The following DOCK6 variants were observed in gnomAD, a reference collection of about 807,000 sequenced individuals.
DOCK6 encodes dedicator of cytokinesis 6.
A neutral mutation model predicts 230.3 loss-of-function variants in DOCK6; 167 were observed. The observed-to-expected ratio is 0.73, with a 90% confidence interval of 0.64 to 0.82. DOCK6 has a LOEUF of 0.82. DOCK6 is among the 40% of genes least tolerant of loss of function. DOCK6 has a pLI of 0.00. For missense variants in DOCK6, 2,598 were observed against 2,825.8 expected, an observed-to-expected ratio of 0.92 and a Z score of 1.83; for synonymous variants, 1,148 against 1,185.0, an observed-to-expected ratio of 0.97 and a Z score of 0.64.
chr19:11,203,961 C>T, intron 41 of DOCK6, 120 bp downstream of exon 41: 1 of 1,369,316 alleles, frequency 7.3e-7, no homozygotes, highest in Non-Finnish European at 1.0e-6. Context: ...GTGGCCACAG[C>T]CCCAGCCCCA....
chr19:11,260,501 G>A (rs1446701532), intron 1 of DOCK6, among the ~76,000 whole-genome samples: 1 of 151,438 alleles, frequency 6.6e-6, no homozygotes. Flanking sequence ...GATCACTTGA[G>A]CCCGGGAGAT....
intron 28 of DOCK6, among the ~76,000 whole-genome samples, chr19:11,217,832 T>C (rs2147769344): frequency 6.6e-6 from 1 of 151,870 alleles, no homozygotes; most frequent in South Asian, 2.1e-4. Context: ...GCTCCTGGAA[T>C]TCACTTATTT....
chr19:11,209,582 AT>A (rs1276911863), intron 37 of DOCK6, among the ~76,000 whole-genome samples: 10 of 114,192 alleles, frequency 8.8e-5, no homozygotes, highest in South Asian at 3.0e-4. Context: ...TCACCTGTCC[AT>A]CCCTTCACTT....
chr19:11,252,109 G>A lies in DOCK6; in HGVS notation c.507+10C>T, dbSNP rs375264572. 2.1e-4 allele frequency: 334 copies of A among 1,585,924 alleles called. 3 individuals carry two copies. In the African/African-American group the frequency reaches 3.8e-3, roughly 18 times the overall value. On this transcript the variant is annotated intron_variant, in intron 5 of 47. Coordinates refer to ENST00000294618, the MANE Select transcript of DOCK6 (RefSeq NM_020812.4). The stretch of plus-strand genomic sequence containing the variant: ...ACCCCTTCAGTGACCCCAGCCAGGG[G>A]CTTCCTCACCGAGTCCTCAGGGCCG...
At chr19:11,245,454 A>G in intron 9 of DOCK6, 109 bp downstream of exon 9, 1 of 1,222,516 alleles carries the variant, frequency 8.2e-7, no homozygotes, top group Non-Finnish European at 1.2e-6. Flanking sequence ...TTCCCCCACA[A>G]CAGCCCTGAT....
Position 11,200,266 on chromosome 19 carries a change from TC to T in DOCK6, c.6101+41del. 6.5e-7 allele frequency: 1 copy of T among 1,535,784 alleles called. No individual in the cohort carries two copies. The highest frequency in any genetic ancestry group is 8.8e-7 in the Non-Finnish European group (1 of 1,138,582). On this transcript the variant is annotated intron_variant, in intron 47 of 47. Coordinates refer to ENST00000294618, the MANE Select transcript of DOCK6 (RefSeq NM_020812.4). This position sits in a 1 kb window ranked among gnomAD's most constrained non-coding sequence, Gnocchi z 4.3. Reference sequence around the variant, plus strand: ...GTACCTGTCCTGGTCTGCCTCTGCATCCCCTCTCTAGTCTCTAGGATGGGGG... The same window carrying T: ...GTACCTGTCCTGGTCTGCCTCTGCATCCCTCTCTAGTCTCTAGGATGGGGG...
At chr19:11,218,239 C>T (rs374047973) in intron 28 of DOCK6, among the ~76,000 whole-genome samples, 5 of 152,174 alleles carry the variant, frequency 3.3e-5, no homozygotes, top group Non-Finnish European at 2.9e-5. Flanking sequence ...CTCTGCCTCC[C>T]GGGTTCAAGC....
chr19:11,253,569 A>C (rs1017725895), intron 2 of DOCK6, 70 bp downstream of exon 2: 4 of 1,045,138 alleles, frequency 3.8e-6, no homozygotes, highest in Non-Finnish European at 5.2e-6. Context: ...GATAGAACCT[A>C]GGCCAAGGAA....
chr19:11,253,999 TC>T, intron 1 of DOCK6: 1 of 361,046 alleles, frequency 2.8e-6, no homozygotes, highest in Non-Finnish European at 5.0e-6. Flanking sequence ...CCTGTGGCCT[TC>T]CAGGTCTGGA....
rs1455568667 is a variant in DOCK6, at chr19:11,217,091, A to G, written c.3717T>C (p.Ser1239=). 3 of 1,611,496 alleles carry G rather than the reference A, an allele frequency of 1.9e-6. No individual in the cohort carries two copies. In the African/African-American group the frequency reaches 4.0e-5, roughly 21 times the overall value. The change falls in exon 30 of 48, where the codon TCT becomes TCC. Residue 1239 remains serine, a synonymous_variant. Transcript: ENST00000294618. Reference sequence around the variant, plus strand: ...CAGCAGAGAGGGCACAGCCTGCGCGAGAAGCCTGGGGCCAGAGAGGAATCA... The same window carrying G: ...CAGCAGAGAGGGCACAGCCTGCGCGGGAAGCCTGGGGCCAGAGAGGAATCA... ...ASISQGPPTA[S]RAGCALSAES...
chr19:11,200,877 T>C lies in DOCK6; in HGVS notation c.5832+32A>G. Reference sequence around the variant, plus strand: ...CCTGCATGGCACCTGGAGTCCCCCGTGCGGCTTGCATCCCCCTTCCACCAG... The same window carrying C: ...CCTGCATGGCACCTGGAGTCCCCCGCGCGGCTTGCATCCCCCTTCCACCAG... On this transcript the variant is annotated intron_variant, in intron 45 of 47. Coordinates refer to ENST00000294618, the MANE Select transcript of DOCK6 (RefSeq NM_020812.4). This position sits in a 1 kb window ranked among gnomAD's most constrained non-coding sequence, Gnocchi z 4.3. 1 of 1,613,520 alleles carries C rather than the reference T, an allele frequency of 6.2e-7. No homozygotes were observed. The highest frequency in any genetic ancestry group is 1.1e-5 in the South Asian group (1 of 91,048).
intron 31 of DOCK6, 163 bp downstream of exon 31, chr19:11,215,638 A>G (rs2079473216): frequency 7.5e-7 from 1 of 1,341,618 alleles, no homozygotes; most frequent in Admixed American, 2.0e-5. Flanking sequence ...CGAGTGACAG[A>G]TGGGGACGCA....
In DOCK6 at chr19:11,237,660, T is replaced by A; in HGVS notation, c.1952A>T (p.Glu651Val). Residue 651 changes from glutamate to valine, a missense_variant, in exon 17 of 48, where the codon GAG (glutamate) becomes GTG (valine). Coordinates refer to ENST00000294618, the MANE Select transcript of DOCK6 (RefSeq NM_020812.4). ...SCQPRPGTAL[E>V]TPVGFTWIPL... The stretch of plus-strand genomic sequence containing the variant: ...GCTCACAGTAAAGCCCACGGGTGTC[T>A]CCAGGGCAGTGCCCGGCCGGGGCTG... 1 of 1,598,016 alleles carries A rather than the reference T, an allele frequency of 6.3e-7. No homozygotes were observed. Among genetic ancestry groups the A allele is most frequent in the Non-Finnish European group, 8.5e-7 (1 of 1,172,996 alleles).
In DOCK6 at chr19:11,233,379, T is replaced by A. The variant is rs2079799468; in HGVS notation, c.2555-13A>T. On this transcript the variant is annotated splice_polypyrimidine_tract_variant and intron_variant, in intron 21 of 47. Coordinates refer to ENST00000294618, the MANE Select transcript of DOCK6 (RefSeq NM_020812.4). ...ACTGGAGGGGCCCCTGAGGATGGAG[T>A]GAATAGGGTCAACCACCCACCCACC... is the stretch of plus-strand genomic sequence containing the variant. 6.2e-7 allele frequency: 1 copy of A among 1,608,688 alleles called. No homozygotes were observed. Among genetic ancestry groups the A allele is most frequent in the Admixed American group, 1.7e-5 (1 of 59,844 alleles).
chr19:11,218,860 A>G (rs1192521774), intron 28 of DOCK6, among the ~76,000 whole-genome samples: 2 of 83,940 alleles, frequency 2.4e-5, no homozygotes, highest in African/African-American at 2.0e-4. Flanking sequence ...GAGCTCAAGA[A>G]AAAAAAAAAA....
chr19:11,212,865 CTTTT>C (rs34049310), intron 35 of DOCK6, among the ~76,000 whole-genome samples: 6 of 104,466 alleles, frequency 5.7e-5, no homozygotes, highest in African/African-American at 1.9e-4. Flanking sequence ...GTGCCTGGCC[CTTTT>C]TTTTTTTTTT....
At chr19:11,242,930 G>A (rs1037200107) in intron 13 of DOCK6, 129 bp downstream of exon 13, 17 of 1,034,724 alleles carry the variant, frequency 1.6e-5, no homozygotes, top group Non-Finnish European at 2.5e-5. Flanking sequence ...AGCCCCTGAG[G>A]TCAGGGATTT....
At position 11,259,568 on chromosome 19, in the gene DOCK6, T is replaced by C. The variant is rs1372287826; in HGVS notation, c.44+2829A>G. Among the ~76,000 whole-genome samples the C allele has an allele frequency of 3.1e-4, 43 of 138,734 alleles. 3 individuals are homozygous for C. Among genetic ancestry groups the C allele is most frequent in the Non-Finnish European group, 4.7e-5 (3 of 63,238 alleles). 91.0% of individuals were successfully genotyped at this position (138,734 alleles called of 152,430 possible). Reference sequence around the variant, plus strand: ...CATTATTTCTTTTCTTTTTTTTTTTTTTTTTTTGAGATGGAGTCTCGCTCT... The same window carrying C: ...CATTATTTCTTTTCTTTTTTTTTTTCTTTTTTTGAGATGGAGTCTCGCTCT... On this transcript the variant is annotated intron_variant, in intron 1 of 47. Transcript: ENST00000294618.
intron 37 of DOCK6, among the ~76,000 whole-genome samples, chr19:11,211,151 C>T (rs955246240): frequency 6.6e-6 from 1 of 151,282 alleles, no homozygotes; most frequent in East Asian, 1.9e-4. Context: ...TCCCTTCACC[C>T]CCCTGCCCCA....
Sources: allele counts gnomAD v4.1 joint callset (sites outside exome capture counted in the v4.1 genomes callset), GRCh38; gene constraint gnomAD v4.1.1; non-coding constraint Gnocchi (gnomAD v3.1); transcripts MANE v1.5; gene names NCBI Gene and HGNC (gene_info 2026-07-23, HGNC 2026-07-21).